CDH12: variants seen among roughly 807,000 people sequenced by gnomAD.
CDH12 encodes the protein cadherin-12.
Under a neutral mutation model 74.1 loss-of-function variants are expected in CDH12, and 41 were observed. The observed-to-expected ratio is 0.55, with a 90% CI of 0.43 to 0.72. The LOEUF (loss-of-function observed/expected upper bound fraction) is 0.72. Among genes scored for constraint, CDH12 ranks in the 30% least tolerant of loss-of-function variants. The pLI, the probability that CDH12 is intolerant of heterozygous loss-of-function variation, is 0.00. For missense variants in CDH12, 945 were observed against 977.2 expected (o/e 0.97, Z 0.44); for synonymous variants, 399 against 355.0 (o/e 1.12, Z -1.39).
chr5:22,779,624 C>T (rs1747284892), intron 1 of CDH12, among the ~76,000 whole-genome samples: 1 of 152,096 alleles, frequency 6.6e-6, no homozygotes, highest in African/African-American at 2.4e-5. Flanking sequence ...GGCAGTTTCC[C>T]CATGCCGGTC....
chr5:22,216,147 T>G (rs558229348), intron 3 of CDH12, among the ~76,000 whole-genome samples: 3 of 152,170 alleles, frequency 2.0e-5, no homozygotes, highest in African/African-American at 7.2e-5. Context: ...GTCATCTTGT[T>G]GTCAAAAAGG....
intron 2 of CDH12, among the ~76,000 whole-genome samples, chr5:22,457,587 T>A (rs959567684): frequency 2.7e-5 from 4 of 148,226 alleles, no homozygotes; most frequent in Non-Finnish European, 3.0e-5. Context: ...GCCCAACTAA[T>A]TTTTTTTTTG....
At chr5:22,448,624 G>A (rs1744921928) in intron 2 of CDH12, among the ~76,000 whole-genome samples, 1 of 152,022 alleles carries the variant, frequency 6.6e-6, no homozygotes, top group Non-Finnish European at 1.5e-5. Context: ...TGACTATAAA[G>A]TTCCAGATAT....
chr5:22,095,156 C>T (rs1057280635), intron 4 of CDH12, among the ~76,000 whole-genome samples: 1 of 152,130 alleles, frequency 6.6e-6, no homozygotes, highest in Non-Finnish European at 1.5e-5. Flanking sequence ...CCACCTACGA[C>T]CTCAGGTCCT....
At chr5:21,804,043 T>C (rs747715740) in intron 9 of CDH12, among the ~76,000 whole-genome samples, 4 of 152,186 alleles carry the variant, frequency 2.6e-5, no homozygotes, top group Non-Finnish European at 2.9e-5. Flanking sequence ...TAATTCCCTA[T>C]AGGTATTCCT....
intron 1 of CDH12, among the ~76,000 whole-genome samples, chr5:22,516,515 C>T (rs1216572738): frequency 6.6e-6 from 1 of 152,100 alleles, no homozygotes; most frequent in East Asian, 1.9e-4. Context: ...ATAAAAGTGG[C>T]TGGGTGCAGT....
chr5:22,401,657 A>C (rs181736560), intron 3 of CDH12, among the ~76,000 whole-genome samples: 71 of 152,308 alleles, frequency 4.7e-4, no homozygotes, highest in African/African-American at 1.7e-3. Context: ...ATAGAGTTGA[A>C]TACTGACCTC....
intron 1 of CDH12, among the ~76,000 whole-genome samples, chr5:22,678,757 T>C (rs1488262021): frequency 6.6e-6 from 1 of 152,140 alleles, no homozygotes; most frequent in Non-Finnish European, 1.5e-5. Flanking sequence ...AATGTACTTG[T>C]ATATTTTCAT....
chr5:21,902,784 A>G (rs552770988), intron 6 of CDH12, among the ~76,000 whole-genome samples: 19 of 152,274 alleles, frequency 1.2e-4, no homozygotes, highest in African/African-American at 4.3e-4. Context: ...TAATTAGTCA[A>G]TGTAGCCAAT....
intron 11 of CDH12, among the ~76,000 whole-genome samples, chr5:21,779,036 T>G (rs1745759743): frequency 6.6e-6 from 1 of 150,850 alleles, no homozygotes; most frequent in Non-Finnish European, 1.5e-5. Context: ...GTAAGGGAAT[T>G]CACTGTTTTT....
chr5:22,521,015 C>T (rs981250541), intron 1 of CDH12, among the ~76,000 whole-genome samples: 15 of 150,914 alleles, frequency 9.9e-5, no homozygotes, highest in Middle Eastern at 3.4e-3. Flanking sequence ...CTTAGTAAAG[C>T]GTGTTGTTTA....
chr5:21,954,445 G>A (rs1756004109), intron 6 of CDH12, among the ~76,000 whole-genome samples: 1 of 151,972 alleles, frequency 6.6e-6, no homozygotes, highest in Non-Finnish European at 1.5e-5. Flanking sequence ...TCATTATTCA[G>A]AAACAGAGAG....
At chr5:21,920,249 T>C (rs540281890) in intron 6 of CDH12, among the ~76,000 whole-genome samples, 1 of 152,250 alleles carries the variant, frequency 6.6e-6, no homozygotes, top group South Asian at 2.1e-4. Context: ...TGATGAGACA[T>C]CATGTGAGCA....
intron 3 of CDH12, among the ~76,000 whole-genome samples, chr5:22,267,008 T>G (rs1408276062): frequency 1.3e-5 from 2 of 152,112 alleles, no homozygotes; most frequent in African/African-American, 2.4e-5. Context: ...AACAAAACCC[T>G]TTCCAATTGT....
At chr5:22,824,563 T>G (rs1749910156) in intron 1 of CDH12, among the ~76,000 whole-genome samples, 2 of 152,068 alleles carry the variant, frequency 1.3e-5, no homozygotes, top group South Asian at 4.1e-4. Context: ...TAGAATGTCT[T>G]TAGACATTCA....
At chr5:22,067,503 G>A (rs1050556412) in intron 5 of CDH12, among the ~76,000 whole-genome samples, 1 of 152,104 alleles carries the variant, frequency 6.6e-6, no homozygotes, top group East Asian at 1.9e-4. Flanking sequence ...TGCTAGTTTT[G>A]AGTGGGGGAC....
intron 1 of CDH12, among the ~76,000 whole-genome samples, chr5:22,579,688 C>T (rs1739980786): frequency 6.6e-6 from 1 of 152,060 alleles, no homozygotes; most frequent in African/African-American, 2.4e-5. Context: ...CAGAGACACA[C>T]TACACAATAC....
At chr5:21,782,555 A>G (rs924125558) in intron 11 of CDH12, among the ~76,000 whole-genome samples, 6 of 152,188 alleles carry the variant, frequency 3.9e-5, no homozygotes, top group Non-Finnish European at 8.8e-5. Context: ...GATGCACAAA[A>G]TAAAAGAAGA....
intron 11 of CDH12, among the ~76,000 whole-genome samples, chr5:21,777,240 C>T (rs1391938296): frequency 6.6e-6 from 1 of 152,058 alleles, no homozygotes; most frequent in African/African-American, 2.4e-5. Flanking sequence ...CCTGGTAATT[C>T]ACATTTATTG....
Sources: gnomAD v4.1 joint callset for allele counts (sites outside exome capture counted in the v4.1 genomes callset) on GRCh38, gnomAD v4.1.1 for gene constraint, MANE v1.5 for transcripts, NCBI Gene and HGNC (gene_info 2026-07-23, HGNC 2026-07-21) for gene names.